The following NHSL1 variants were observed in gnomAD, a reference collection of about 807,000 sequenced individuals.
The protein encoded by NHSL1 is NHS-like protein 1.
A neutral mutation model predicts 95.0 loss-of-function variants in NHSL1; 48 were observed. The ratio of observed to expected loss-of-function variants is 0.51; its 90% CI spans 0.40 to 0.64. NHSL1 has a LOEUF of 0.64. Ranked by LOEUF, NHSL1 falls within the 30% of genes least tolerant of loss-of-function variation. The pLI is 0.00. For synonymous variants in NHSL1, 783 were observed against 833.9 expected, an observed-to-expected ratio of 0.94 and a Z score of 1.05; for missense variants, 1,971 against 2,077.7, an observed-to-expected ratio of 0.95 and a Z score of 1.00.
intron 1 of NHSL1, among the ~76,000 whole-genome samples, chr6:138,526,683 C>A (rs1420391752): frequency 1.3e-5 from 2 of 152,104 alleles, no homozygotes; most frequent in African/African-American, 4.8e-5. Context: ...CCTCGAGTTG[C>A]GTGCTTAATT....
In NHSL1 at chr6:138,686,997, G is replaced by C. The variant is rs147694664; in HGVS notation, c.96+5479C>G. Among the ~76,000 whole-genome samples, 1,386 of 152,240 alleles carry C rather than the reference G, an allele frequency of 9.1e-3. 13 individuals carry two copies. Among genetic ancestry groups the C allele is most frequent in the Non-Finnish European group, 0.015 (1,004 of 68,014 alleles). On this transcript the variant is annotated intron_variant, in intron 1 of 3. Coordinates refer to the NHSL1 transcript ENST00000491526. The stretch of plus-strand genomic sequence containing the variant: ...CTGTCAGTTTCTCTTAATAAATTGA[G>C]GGACTGGGATTAGAGGGGGGTGCGG...
In NHSL1 at chr6:138,473,290, G is replaced by A; in HGVS notation, c.339+16C>T. On this transcript the variant is annotated intron_variant, in intron 3 of 7. Transcript: ENST00000343505. ...GGGACCCAACCCAGGACCCCGTGTT[G>A]AACTTTGAAGCTTACCTTTTGATCT... 6.6e-7 allele frequency: 1 copy of A among 1,525,376 alleles called. No individual in the cohort carries two copies. Among genetic ancestry groups the A allele is most frequent in the Non-Finnish European group, 8.8e-7 (1 of 1,136,386 alleles). 94.5% of individuals were successfully genotyped at this position (1,525,376 alleles called of 1,614,324 possible). A position where few individuals can be genotyped will look rare whatever the true frequency, so the allele number is the denominator to read the frequency against.
Position 138,516,982 on chromosome 6 carries a change from G to A in NHSL1, c.17-20611C>T, listed in dbSNP as rs141497080. On this transcript the variant is annotated intron_variant, in intron 1 of 4. Coordinates refer to the NHSL1 transcript ENST00000342260. ...ATAGTCTTCTGTGTTTTAGAAAAACGTTAGAGACATAGAAAACTAAATTTT... is the reference window on the plus strand; with the variant it reads ...ATAGTCTTCTGTGTTTTAGAAAAACATTAGAGACATAGAAAACTAAATTTT... Among the ~76,000 whole-genome samples the A allele has an allele frequency of 8.1e-4, 124 of 152,244 alleles. 1 individual carries two copies. The highest frequency in any genetic ancestry group is 2.7e-3 in the African/African-American group (113 of 41,554).
chr6:138,597,730 A>G (rs985387394), intron 1 of NHSL1, among the ~76,000 whole-genome samples: 1 of 152,250 alleles, frequency 6.6e-6, no homozygotes, highest in African/African-American at 2.4e-5. Context: ...AGCAATGAAT[A>G]TGAAAAGGTA....
At chr6:138,581,285 T>C (rs1219191845) in intron 1 of NHSL1, among the ~76,000 whole-genome samples, 1 of 152,210 alleles carries the variant, frequency 6.6e-6, no homozygotes, top group Non-Finnish European at 1.5e-5. Context: ...AATTTTCTAA[T>C]TCCTTACCAG....
intron 1 of NHSL1, among the ~76,000 whole-genome samples, chr6:138,586,681 T>C (rs1784140264): frequency 6.6e-6 from 1 of 152,200 alleles, no homozygotes; most frequent in African/African-American, 2.4e-5. Flanking sequence ...CATCAAATGT[T>C]CTGCCACCAG....
chr6:138,558,347 C>T (rs969609475), intron 1 of NHSL1, among the ~76,000 whole-genome samples: 3 of 151,498 alleles, frequency 2.0e-5, no homozygotes, highest in Admixed American at 2.0e-4. Context: ...TGGTTTCGAT[C>T]TCCTGACCTC....
intron 1 of NHSL1, among the ~76,000 whole-genome samples, chr6:138,605,804 C>G (rs113500060): frequency 8.4e-4 from 128 of 152,328 alleles, no homozygotes; most frequent in African/African-American, 2.2e-3. Flanking sequence ...AAGGGAACTA[C>G]TTGTAGTTTT....
chr6:138,437,315 TATATACACACACAC>T (rs1776182896), intron 5 of NHSL1, among the ~76,000 whole-genome samples: 1 of 70,720 alleles, frequency 1.4e-5, no homozygotes, highest in African/African-American at 6.3e-5. Flanking sequence ...TATATATATA[TATATACACACACAC>T]ATATATATAT....
upstream of NHSL1, among the ~76,000 whole-genome samples, chr6:138,547,606 A>G (rs1472926329): frequency 6.6e-6 from 1 of 152,146 alleles, no homozygotes; most frequent in African/African-American, 2.4e-5. Context: ...GATGGTCTCG[A>G]TCTCCTGACC....
Position 138,668,751 on chromosome 6 carries a change from G to A in NHSL1, c.96+23725C>T, listed in dbSNP as rs558274864. Among the ~76,000 whole-genome samples the A allele has an allele frequency of 1.8e-3, 280 of 151,528 alleles. 3 individuals carry two copies. The highest frequency in any genetic ancestry group is 6.3e-3 in the African/African-American group (259 of 41,336). On this transcript the variant is annotated intron_variant, in intron 1 of 3. Coordinates refer to the NHSL1 transcript ENST00000491526. ...CGATTCTCCTGCCTCAGTCTCCCGC[G>A]TAGCTGGGACTACAGGCACGTGCCA...
rs549010888 is a variant in NHSL1 at position 138,432,186 on chromosome 6, G to A, written c.2159C>T (p.Pro720Leu). 2.5e-5 allele frequency: 38 copies of A among 1,546,808 alleles called. No homozygotes were observed. The African/African-American group carries it at 4.9e-4, about 20-fold the overall frequency. The change falls in exon 6 of 8, where the codon CCC (proline) becomes CTC (leucine). Residue 720 changes from proline (P) to leucine (L), a missense_variant. By Grantham distance (98) the Pro-to-Leu change is moderately conservative. This residue lies in a region of NHSL1 where 1,602 missense variants were observed against 1,654.5 expected (regional missense o/e 0.97). Coordinates refer to ENST00000343505, the MANE Select transcript of NHSL1 (RefSeq NM_001144060.2). This position sits in a 1 kb window ranked among gnomAD's most constrained non-coding sequence, Gnocchi z 4.4. ...LSLPGKSGSSPSQSPCSDLEE... is the reference protein window; with the variant it reads ...LSLPGKSGSSLSQSPCSDLEE... ...CAAGTCACTGCAGGGGCTCTGGGAG[G>A]GCGAGCTGCCACTCTTGCCTGGGAG...
intron 3 of NHSL1, among the ~76,000 whole-genome samples, chr6:138,466,854 C>T (rs751635180): frequency 2.0e-5 from 3 of 151,914 alleles, no homozygotes; most frequent in Non-Finnish European, 2.9e-5. Flanking sequence ...GAGGCTAAGG[C>T]GGGTGGATCA....
At chr6:138,511,041 A>T (rs575617817) in intron 1 of NHSL1, among the ~76,000 whole-genome samples, 12 of 152,288 alleles carry the variant, frequency 7.9e-5, no homozygotes, top group Admixed American at 6.5e-4. Flanking sequence ...GCCCACACAG[A>T]ATCTGAGAAA....
chr6:138,538,916 A>T (rs1186046701), intron 1 of NHSL1, among the ~76,000 whole-genome samples: 2 of 152,236 alleles, frequency 1.3e-5, no homozygotes, highest in African/African-American at 4.8e-5. Flanking sequence ...AGTGGTGATG[A>T]GCACTCACAT....
intron 1 of NHSL1, among the ~76,000 whole-genome samples, chr6:138,629,280 C>CTTCA (rs1363878337): frequency 6.6e-6 from 1 of 152,198 alleles, no homozygotes; most frequent in Non-Finnish European, 1.5e-5. Context: ...AGCAAGGAAT[C>CTTCA]TTCACTACTA....
chr6:138,435,655 T>C (rs951658951), intron 5 of NHSL1, among the ~76,000 whole-genome samples: 23 of 152,096 alleles, frequency 1.5e-4, no homozygotes, highest in Non-Finnish European at 2.4e-4. Context: ...ATGAATGCTA[T>C]AGATGCATAC....
chr6:138,501,251 A>G (rs1438822741), upstream of NHSL1, among the ~76,000 whole-genome samples: 1 of 152,220 alleles, frequency 6.6e-6, no homozygotes, highest in African/African-American at 2.4e-5. Context: ...CAGAAAGATA[A>G]ATACCAGGCA....
rs376141349 is a variant in NHSL1 at position 138,449,419 on chromosome 6, G to A, written c.340-2226C>T. 6.4e-4 allele frequency among the ~76,000 whole-genome samples: 97 copies of A among 152,264 alleles called. 1 individual carries two copies. The East Asian group carries it at 0.015, about 23-fold the overall frequency. Reference sequence around the variant, plus strand: ...GGGCCAGGCGTGGTGGCTCATGCCTGTAATCCCAGCATTTTGGGAGGCTGA... The same window carrying A: ...GGGCCAGGCGTGGTGGCTCATGCCTATAATCCCAGCATTTTGGGAGGCTGA... On this transcript the variant is annotated intron_variant, in intron 3 of 7. Transcript: ENST00000343505.
Sources: gnomAD v4.1 joint callset for allele counts (sites outside exome capture counted in the v4.1 genomes callset) on GRCh38, gnomAD v4.1.1 for gene constraint, gnomAD v4.1.1 regional missense constraint, Gnocchi (gnomAD v3.1) non-coding constraint, MANE v1.5 for transcripts, NCBI Gene and HGNC (gene_info 2026-07-23, HGNC 2026-07-21) for gene names.